IDH2: variants seen among roughly 807,000 people sequenced by gnomAD.
IDH2 encodes the protein isocitrate dehydrogenase [NADP], mitochondrial.
In IDH2, 18 loss-of-function variants were observed where a neutral mutation model predicts 50.5. The observed-to-expected ratio is 0.36, with a 90% CI of 0.25 to 0.53. The LOEUF is 0.53. Ranked by LOEUF, IDH2 falls within the 20% of genes least tolerant of loss-of-function variation. The probability of loss-of-function intolerance (pLI) is 0.92; values close to 1 mark genes in which losing one functional copy is unlikely to be tolerated. For missense variants in IDH2, 518 were observed against 610.7 expected (o/e 0.85, Z 1.60); for synonymous variants, 280 against 239.8 (o/e 1.17, Z -1.55).
In IDH2 at chr15:90,084,701, G is replaced by A. The variant is rs1900809946; in HGVS notation, c.1271+115C>T. 1.1e-6 allele frequency: 1 copy of A among 874,278 alleles called. No individual in the cohort carries two copies. Among genetic ancestry groups the A allele is most frequent in the South Asian group, 1.3e-5 (1 of 75,642 alleles). 54.2% of individuals were successfully genotyped at this position (874,278 alleles called of 1,614,324 possible). On this transcript the variant is annotated intron_variant, in intron 10 of 10. Coordinates refer to ENST00000330062, the MANE Select transcript of IDH2 (RefSeq NM_002168.4). The surrounding 1 kb of genome is among the most constrained non-coding windows in gnomAD (Gnocchi z 5.0). ...AGCAGTCTCTCAGGGCTGTGGACAT[G>A]TCCTGCCCCAGGCCCCCTTGCAGCT...
chr15:90,091,678 T>C (rs376767736), intron 1 of IDH2, 34 bp from the exon 2 acceptor site: 379 of 1,579,266 alleles, frequency 2.4e-4, no homozygotes, highest in Non-Finnish European at 3.1e-4. Context: ...ATCATGCCCC[T>C]GGGGAGGCTG....
At position 90,102,393 on chromosome 15, in the gene IDH2, C is replaced by G; in HGVS notation, c.-3G>C. 7.5e-7 allele frequency: 1 copy of G among 1,336,890 alleles called. No individual in the cohort carries two copies. 82.8% of individuals were successfully genotyped at this position (1,336,890 alleles called of 1,614,324 possible). A position where few individuals can be genotyped will look rare whatever the true frequency, so the allele number is the denominator to read the frequency against. On this transcript the variant is annotated 5_prime_UTR_variant, in exon 1 of 11. Transcript: ENST00000330062. ...ACGACCCGCAGGTAGCCGGCCATCC[C>G]AAGCTGGAGAGCGAACGAGCAGGGC...
At position 90,084,610 on chromosome 15, in the gene IDH2, GCT is replaced by G. The variant is rs1000001798; in HGVS notation, c.1271+204_1271+205del. Among the ~76,000 whole-genome samples, 10 of 152,168 alleles carry G rather than the reference GCT, an allele frequency of 6.6e-5. No individual in the cohort carries two copies. Among genetic ancestry groups the G allele is most frequent in the Non-Finnish European group, 1.5e-4 (10 of 68,026 alleles). On this transcript the variant is annotated intron_variant, in intron 10 of 10. Coordinates refer to ENST00000330062, the MANE Select transcript of IDH2 (RefSeq NM_002168.4). The surrounding 1 kb of genome is among the most constrained non-coding windows in gnomAD (Gnocchi z 5.0). ...AGGGGTGTGGGCAGGGTCGGAAGGAGCTCTGAGTAGCCAGCCTCAGGGATGGG... is the reference window on the plus strand; with the variant it reads ...AGGGGTGTGGGCAGGGTCGGAAGGAGCTGAGTAGCCAGCCTCAGGGATGGG...
At position 90,084,146 on chromosome 15, in the gene IDH2, A is replaced by G; in HGVS notation, c.*120T>C. 4.0e-6 allele frequency: 3 copies of G among 752,530 alleles called. No homozygotes were observed. Among genetic ancestry groups the G allele is most frequent in the Non-Finnish European group, 6.9e-6 (3 of 437,398 alleles). The allele number at this position is 752,530 out of a possible 1,614,324, so 46.6% of individuals were successfully genotyped here. A position where few individuals can be genotyped will look rare whatever the true frequency, so the allele number is the denominator to read the frequency against. ...GCTTTTAAAAACATCTGGCTTATAA[A>G]AAAACATCCCCTAGAAAGGCCTCCA... is the stretch of plus-strand genomic sequence containing the variant. On this transcript the variant is annotated 3_prime_UTR_variant, in exon 11 of 11. Coordinates refer to ENST00000330062, the MANE Select transcript of IDH2 (RefSeq NM_002168.4). This position sits in a 1 kb window ranked among gnomAD's most constrained non-coding sequence, Gnocchi z 5.0.
At position 90,100,280 on chromosome 15, in the gene IDH2, C is replaced by T. The variant is rs939958756; in HGVS notation, c.115+1996G>A. Among the ~76,000 whole-genome samples the T allele has an allele frequency of 6.6e-6, 1 of 152,168 alleles. No individual in the cohort carries two copies. Among genetic ancestry groups the T allele is most frequent in the African/African-American group, 2.4e-5 (1 of 41,436 alleles). On this transcript the variant is annotated intron_variant, in intron 1 of 10. Transcript: ENST00000330062. The surrounding 1 kb of genome is among the most constrained non-coding windows in gnomAD (Gnocchi z 4.1). ...GTAATCTGAGAGCAGTTTCCAGCAC[C>T]TCATACCCTGAATGGAACCAGCCCA...
Position 90,102,370 on chromosome 15 carries a change from G to T in IDH2, c.21C>A (p.Val7=). MAGYLR[V]VRSLCRASGS... ...CTGAGGCTCTGCAGAGCGAGCGCAC[G>T]ACCCGCAGGTAGCCGGCCATCCCAA... Residue 7 remains valine, a synonymous_variant, in exon 1 of 11, where the codon GTC becomes GTA. Coordinates refer to ENST00000330062, the MANE Select transcript of IDH2 (RefSeq NM_002168.4). 7.3e-7 allele frequency: 1 copy of T among 1,363,028 alleles called. No individual in the cohort carries two copies. The highest frequency in any genetic ancestry group is 1.6e-5 in the South Asian group (1 of 62,142). The allele number at this position is 1,363,028 out of a possible 1,614,324, so 84.4% of individuals were successfully genotyped here.
Position 90,084,465 on chromosome 15 carries a change from G to T in IDH2, c.1272-112C>A. On this transcript the variant is annotated intron_variant, in intron 10 of 10. Coordinates refer to ENST00000330062, the MANE Select transcript of IDH2 (RefSeq NM_002168.4). The surrounding 1 kb of genome is among the most constrained non-coding windows in gnomAD (Gnocchi z 5.0). ...TTGGGCATCAGAACAGCCATCTCCT[G>T]CCACCCAGACTACAGGCCAGAGGCC... 1 of 971,966 alleles carries T rather than the reference G, an allele frequency of 1.0e-6. No homozygotes were observed. The highest frequency in any genetic ancestry group is 1.6e-6 in the Non-Finnish European group (1 of 627,244). 60.2% of individuals were successfully genotyped at this position (971,966 alleles called of 1,614,324 possible).
In IDH2 at chr15:90,084,258, G is replaced by C; in HGVS notation, c.*8C>G. 1 of 1,612,560 alleles carries C rather than the reference G, an allele frequency of 6.2e-7. No homozygotes were observed. The highest frequency in any genetic ancestry group is 1.1e-5 in the South Asian group (1 of 90,944). On this transcript the variant is annotated 3_prime_UTR_variant, in exon 11 of 11. Transcript: ENST00000330062. The surrounding 1 kb of genome is among the most constrained non-coding windows in gnomAD (Gnocchi z 5.0). ...CCCCTCCACTGCAGCCATGGGTGGC[G>C]CCTCCCCCTACTGCCTGCCCAGGGC...
At chr15:90,086,988 C>T in intron 7 of IDH2, 124 bp downstream of exon 7, 2 of 1,053,920 alleles carry the variant, frequency 1.9e-6, no homozygotes, top group Admixed American at 3.5e-5. Flanking sequence ...CCCCTGCTGT[C>T]CACAGAGGAC....
chr15:90,088,331 G>A, intron 5 of IDH2, 28 bp downstream of exon 5: 2 of 1,611,286 alleles, frequency 1.2e-6, no homozygotes, highest in South Asian at 1.1e-5. Flanking sequence ...GGGAGAGGAG[G>A]GGCCCAGGAT....
Position 90,089,499 on chromosome 15 carries a change from T to C in IDH2, c.374-752A>G, listed in dbSNP as rs188967802. Among the ~76,000 whole-genome samples the C allele has an allele frequency of 2.7e-3, 410 of 152,196 alleles. 2 individuals carry two copies. The highest frequency in any genetic ancestry group is 4.3e-3 in the Non-Finnish European group (291 of 68,006). ...GGTCCTGGCCCCAACGCCACCCCAG[T>C]TCCTAAGGCTGTGACCCTCTCCTGC... is the stretch of plus-strand genomic sequence containing the variant. On this transcript the variant is annotated intron_variant, in intron 3 of 10. Coordinates refer to ENST00000330062, the MANE Select transcript of IDH2 (RefSeq NM_002168.4).
chr15:90,099,474 G>T (rs28508560), intron 1 of IDH2, among the ~76,000 whole-genome samples: 49,279 of 151,954 alleles, frequency 0.32, 9,115 homozygotes, highest in African/African-American at 0.51. Context: ...CTCTTTTTGG[G>T]GGGAGAAGGG....
rs1900789827 is a variant in IDH2, at chr15:90,084,053, C to T, written c.*213G>A. The stretch of plus-strand genomic sequence containing the variant: ...GCAATATAAATTACAGTATGCAAAA[C>T]ATACTGACTGGCTGAGGTAAAACGC... On this transcript the variant is annotated 3_prime_UTR_variant, in exon 11 of 11. Coordinates refer to ENST00000330062, the MANE Select transcript of IDH2 (RefSeq NM_002168.4). The surrounding 1 kb of genome is among the most constrained non-coding windows in gnomAD (Gnocchi z 5.0). The T allele has an allele frequency of 1.7e-6, 1 of 596,838 alleles. No individual in the cohort carries two copies. The highest frequency in any genetic ancestry group is 2.0e-5 in the South Asian group (1 of 50,854). The allele number at this position is 596,838 out of a possible 1,614,324, so 37.0% of individuals were successfully genotyped here. A position where few individuals can be genotyped will look rare whatever the true frequency, so the allele number is the denominator to read the frequency against.
Position 90,097,669 on chromosome 15 carries a change from G to A in IDH2, c.115+4607C>T, listed in dbSNP as rs139727807. ...AAGGTGGCTGCCAGGGACTGGGGAC[G>A]GGAAGTGGGGAGGTATTGTTTCATG... On this transcript the variant is annotated intron_variant, in intron 1 of 10. Transcript: ENST00000330062. Among the ~76,000 whole-genome samples the A allele has an allele frequency of 8.3e-5, 10 of 119,950 alleles. No homozygotes were observed. In the East Asian group the frequency reaches 1.8e-3, roughly 22 times the overall value. The allele number at this position is 119,950 out of a possible 152,430, so 78.7% of individuals were successfully genotyped here. A position where few individuals can be genotyped will look rare whatever the true frequency, so the allele number is the denominator to read the frequency against.
chr15:90,091,743 G>C, intron 1 of IDH2, 99 bp from the exon 2 acceptor site: 1 of 966,106 alleles, frequency 1.0e-6, no homozygotes, highest in Non-Finnish European at 1.7e-6. Context: ...GACAGTGGCA[G>C]AAAGCCAGGG....
In IDH2 at chr15:90,102,263, G is replaced by A; in HGVS notation, c.115+13C>T. 8.4e-7 allele frequency: 1 copy of A among 1,191,076 alleles called. No homozygotes were observed. The allele number at this position is 1,191,076 out of a possible 1,614,324, so 73.8% of individuals were successfully genotyped here. On this transcript the variant is annotated intron_variant, in intron 1 of 10. Coordinates refer to ENST00000330062, the MANE Select transcript of IDH2 (RefSeq NM_002168.4). ...GGGCGCGCGCCTGCCTGGACCCTCC[G>A]CGCGGCACTCACAGTGGCGCCGCGG...
intron 2 of IDH2, 67 bp downstream of exon 2, chr15:90,091,486 C>T: frequency 8.0e-7 from 1 of 1,243,108 alleles, no homozygotes; most frequent in Non-Finnish European, 1.2e-6. Context: ...TCCAGAAGAC[C>T]CTGTGGGACA....
intron 1 of IDH2, among the ~76,000 whole-genome samples, chr15:90,095,955 A>G (rs1325377462): frequency 6.6e-6 from 1 of 152,206 alleles, no homozygotes; most frequent in Non-Finnish European, 1.5e-5. Flanking sequence ...ACCAAGTTTT[A>G]AAAATCAGTA....
chr15:90,084,027 G>A lies in IDH2; in HGVS notation c.*239C>T. 6.9e-6 allele frequency: 4 copies of A among 577,714 alleles called. No individual in the cohort carries two copies. The highest frequency in any genetic ancestry group is 9.3e-6 in the Non-Finnish European group (3 of 321,514). 35.8% of individuals were successfully genotyped at this position (577,714 alleles called of 1,614,324 possible). On this transcript the variant is annotated 3_prime_UTR_variant, in exon 11 of 11. Transcript: ENST00000330062. This position sits in a 1 kb window ranked among gnomAD's most constrained non-coding sequence, Gnocchi z 5.0. ...TAAATATGGCACCATGTGTTCCAAGGGCAATATAAATTACAGTATGCAAAA... is the reference window on the plus strand; with the variant it reads ...TAAATATGGCACCATGTGTTCCAAGAGCAATATAAATTACAGTATGCAAAA...
Sources: gnomAD v4.1 joint callset for allele counts (sites outside exome capture counted in the v4.1 genomes callset) on GRCh38, gnomAD v4.1.1 for gene constraint, Gnocchi (gnomAD v3.1) non-coding constraint, MANE v1.5 for transcripts, NCBI Gene and HGNC (gene_info 2026-07-23, HGNC 2026-07-21) for gene names.